Variants in ARHGEF6 observed in about 807,000 individuals in gnomAD.
ARHGEF6 encodes the protein rho guanine nucleotide exchange factor 6.
Under a neutral mutation model 70.3 loss-of-function variants are expected in ARHGEF6, and 9 were observed. That is an observed-to-expected ratio of 0.13 (90% confidence interval 0.08 to 0.22). ARHGEF6 has a LOEUF of 0.22. Ranked by LOEUF, ARHGEF6 falls within the 10% of genes least tolerant of loss-of-function variation. ARHGEF6 has a pLI of 1.00. For synonymous variants in ARHGEF6, 201 were observed against 207.8 expected (o/e 0.97, Z 0.28); for missense variants, 470 against 563.0 (o/e 0.83, Z 1.67).
chrX:136,731,121 G>A (rs896087816), intron 6 of ARHGEF6, among the ~76,000 whole-genome samples: 1 of 111,989 alleles, frequency 8.9e-6, no homozygotes, highest in African/African-American at 3.2e-5. Context: ...CAAAATAGTC[G>A]ACTGTGATTA....
Position 136,725,373 on chromosome X carries a change from CA to C in ARHGEF6, c.732+6728del, listed in dbSNP as rs369063268. Reference sequence around the variant, plus strand: ...TTTTTATCAAATTATGCCCCCCCCCCAAAAAAAAACGTGAGTAGTAATATAC... The same window carrying C: ...TTTTTATCAAATTATGCCCCCCCCCCAAAAAAAACGTGAGTAGTAATATAC... On this transcript the variant is annotated intron_variant, in intron 6 of 21. Coordinates refer to ENST00000250617, the MANE Select transcript of ARHGEF6 (RefSeq NM_004840.3). 4.7e-4 allele frequency among the ~76,000 whole-genome samples: 47 copies of C among 99,878 alleles called. 1 individual carries two copies. Among genetic ancestry groups the C allele is most frequent in the African/African-American group, 1.2e-3 (32 of 26,479 alleles). The allele number at this position is 99,878 out of a possible 115,157, so 86.7% of individuals were successfully genotyped here.
At chrX:136,780,632 C>T (rs2077439965) in intron 1 of ARHGEF6, 86 bp downstream of exon 1, 12 of 878,215 alleles carry the variant, frequency 1.4e-5, no homozygotes. Flanking sequence ...ATTCCCATGG[C>T]CTGGGAAATA....
Position 136,686,615 on chromosome X carries a change from TATATATACAC to T in ARHGEF6, c.1246-802_1246-793del, listed in dbSNP as rs755702978. ...GTGTGTATATATATATATATATATA[TATATATACAC>T]ATATATATATATATATACACACATA... On this transcript the variant is annotated intron_variant, in intron 11 of 21. Transcript: ENST00000250617. 8.4e-3 allele frequency among the ~76,000 whole-genome samples: 650 copies of T among 77,427 alleles called. 4 individuals carry two copies. The highest frequency in any genetic ancestry group is 0.012 in the Non-Finnish European group (523 of 43,928). 67.2% of individuals were successfully genotyped at this position (77,427 alleles called of 115,157 possible).
intron 4 of ARHGEF6, among the ~76,000 whole-genome samples, chrX:136,743,997 A>G (rs367838372): frequency 9.0e-6 from 1 of 111,718 alleles, no homozygotes; most frequent in African/African-American, 3.3e-5. Context: ...CATTTGTGAG[A>G]ATCTGTATTT....
intron 6 of ARHGEF6, among the ~76,000 whole-genome samples, chrX:136,715,378 A>G (rs751898813): frequency 9.0e-6 from 1 of 111,385 alleles, no homozygotes; most frequent in East Asian, 2.8e-4. Context: ...ATAAATGCCT[A>G]TTTTAAAAAA....
intron 20 of ARHGEF6, among the ~76,000 whole-genome samples, chrX:136,671,574 G>C (rs1400629829): frequency 8.9e-6 from 1 of 112,325 alleles, no homozygotes; most frequent in East Asian, 2.8e-4. Flanking sequence ...TGAGAGTAAT[G>C]TTTATCTAAC....
intron 13 of ARHGEF6, 56 bp from the exon 14 acceptor site, chrX:136,682,024 T>C: frequency 2.0e-6 from 2 of 1,009,921 alleles, no homozygotes; most frequent in East Asian, 6.1e-5. Context: ...CTCTGTTTAT[T>C]TCACTTAGAT....
chrX:136,696,310 G>A (rs1282552048), intron 9 of ARHGEF6, among the ~76,000 whole-genome samples: 3 of 111,719 alleles, frequency 2.7e-5, no homozygotes, highest in East Asian at 2.8e-4. Context: ...AAAAAAAAGC[G>A]TAGCAGGTGA....
intron 2 of ARHGEF6, among the ~76,000 whole-genome samples, chrX:136,753,175 A>G (rs1264245267): frequency 8.9e-6 from 1 of 112,530 alleles, no homozygotes; most frequent in African/African-American, 3.2e-5. Context: ...GGTTTTAAAT[A>G]ATAGCTGTTC....
At chrX:136,701,892 A>G (rs1213084260) in intron 9 of ARHGEF6, among the ~76,000 whole-genome samples, 2 of 108,875 alleles carry the variant, frequency 1.8e-5, no homozygotes, top group African/African-American at 6.7e-5. Context: ...TATTTTTAGT[A>G]GAGACAGGGT....
intron 6 of ARHGEF6, among the ~76,000 whole-genome samples, chrX:136,722,083 C>T: frequency 9.1e-6 from 1 of 110,420 alleles, no homozygotes; most frequent in Non-Finnish European, 1.9e-5. Context: ...AAAGACCATT[C>T]AGTGGGGAGA....
In ARHGEF6 at chrX:136,727,421, C is replaced by CTT. The variant is rs1309902062; in HGVS notation, c.732+4679_732+4680dup. Among the ~76,000 whole-genome samples the CTT allele has an allele frequency of 1.0e-3, 98 of 96,071 alleles. 2 individuals are homozygous for CTT. Among genetic ancestry groups the CTT allele is most frequent in the African/African-American group, 3.3e-3 (85 of 26,062 alleles). 83.4% of individuals were successfully genotyped at this position (96,071 alleles called of 115,157 possible). A position where few individuals can be genotyped will look rare whatever the true frequency, so the allele number is the denominator to read the frequency against. On this transcript the variant is annotated intron_variant, in intron 6 of 21. Transcript: ENST00000250617. ...TCTCTCTCTCTCTCTCTCTTTCTTTCTTTCTTTCCTTCTTTCTTTCTTTCA... is the reference window on the plus strand; with the variant it reads ...TCTCTCTCTCTCTCTCTCTTTCTTTCTTTTTCTTTCCTTCTTTCTTTCTTTCA...
intron 9 of ARHGEF6, among the ~76,000 whole-genome samples, chrX:136,699,046 C>T (rs946655206): frequency 6.3e-5 from 7 of 111,362 alleles, no homozygotes; most frequent in African/African-American, 2.3e-4. Context: ...AACACAAATT[C>T]ACAGGAAAAA....
chrX:136,669,617 A>T (rs1297846730), intron 20 of ARHGEF6, 81 bp from the exon 21 acceptor site: 19 of 796,227 alleles, frequency 2.4e-5, no homozygotes, highest in Non-Finnish European at 3.6e-5. Flanking sequence ...AAGCCACTTT[A>T]TAAAAATACA....
chrX:136,767,013 C>T (rs951057248), intron 2 of ARHGEF6: 1 of 614,103 alleles, frequency 1.6e-6, no homozygotes, highest in African/African-American at 2.5e-5. Context: ...GAACGGACCC[C>T]GCAGCTGGGG....
Position 136,780,698 on chromosome X carries a change from A to G in ARHGEF6, c.165+20T>C, listed in dbSNP as rs2077440295. ...TCTCTGGTGATAAGCAATCCCAAAG[A>G]GACTGCAAATTTCCCTTACCTTTTC... On this transcript the variant is annotated intron_variant, in intron 1 of 21. Coordinates refer to ENST00000250617, the MANE Select transcript of ARHGEF6 (RefSeq NM_004840.3). 1 of 1,196,686 alleles carries G rather than the reference A, an allele frequency of 8.4e-7. No homozygotes were observed. The highest frequency in any genetic ancestry group is 1.8e-5 in the African/African-American group (1 of 56,903).
At chrX:136,731,136 T>C (rs1014411286) in intron 6 of ARHGEF6, among the ~76,000 whole-genome samples, 1 of 112,376 alleles carries the variant, frequency 8.9e-6, no homozygotes, top group Non-Finnish European at 1.9e-5. Flanking sequence ...TGATTATTTA[T>C]TGTCCATGTT....
chrX:136,708,014 C>T (rs2076644070), intron 8 of ARHGEF6, among the ~76,000 whole-genome samples: 1 of 112,024 alleles, frequency 8.9e-6, no homozygotes, highest in Non-Finnish European at 1.9e-5. Flanking sequence ...TGTTTCAACT[C>T]TTAATATAAT....
chrX:136,678,642 G>A (rs2076302689), intron 16 of ARHGEF6, among the ~76,000 whole-genome samples: 1 of 111,502 alleles, frequency 9.0e-6, no homozygotes, highest in Admixed American at 9.5e-5. Flanking sequence ...CAAAAGCATG[G>A]TGGTTTCAAT....
Sources: gnomAD v4.1 joint callset for allele counts (sites outside exome capture counted in the v4.1 genomes callset) on GRCh38, gnomAD v4.1.1 for gene constraint, MANE v1.5 for transcripts, NCBI Gene and HGNC (gene_info 2026-07-23, HGNC 2026-07-21) for gene names.